Variants in HNF4G observed in about 807,000 individuals in gnomAD.
HNF4G encodes hepatocyte nuclear factor 4 gamma, also known as hepatocyte nuclear factor 4-gamma.
Under a neutral mutation model 50.9 loss-of-function variants are expected in HNF4G, and 21 were observed. The ratio of observed to expected loss-of-function variants is 0.41; its 90% CI spans 0.29 to 0.59. The LOEUF is 0.59. Ranked by LOEUF, HNF4G falls within the 20% of genes least tolerant of loss-of-function variation. The probability of loss-of-function intolerance (pLI) is 0.26; values close to 1 mark genes in which losing one functional copy is unlikely to be tolerated. For synonymous variants in HNF4G, 198 were observed against 185.6 expected (o/e 1.07, Z -0.54); for missense variants, 527 against 559.4 (o/e 0.94, Z 0.58).
intron 2 of HNF4G, among the ~76,000 whole-genome samples, chr8:75,515,404 A>G (rs972270510): frequency 3.3e-5 from 5 of 152,206 alleles, no homozygotes; most frequent in African/African-American, 1.2e-4. Flanking sequence ...ACACACACAC[A>G]GAGACACACA....
At chr8:75,417,213 T>C (rs750503989) in intron 1 of HNF4G, among the ~76,000 whole-genome samples, 43 of 152,176 alleles carry the variant, frequency 2.8e-4, no homozygotes, top group Admixed American at 5.2e-4. Flanking sequence ...CAGGCTGAAG[T>C]GCAGTGGTAT....
intron 1 of HNF4G, among the ~76,000 whole-genome samples, chr8:75,454,986 G>T (rs1811684822): frequency 6.6e-6 from 1 of 152,026 alleles, no homozygotes; most frequent in Admixed American, 6.6e-5. Context: ...CATTTTGGAA[G>T]GAATGCTTGC....
chr8:75,566,027 C>T lies in HNF4G; in HGVS notation c.*1931C>T, dbSNP rs576146790. 1 of 151,560 alleles carries T rather than the reference C, an allele frequency of 6.6e-6. No individual in the cohort carries two copies. 9.4% of individuals were successfully genotyped at this position (151,560 alleles called of 1,614,324 possible). A position where few individuals can be genotyped will look rare whatever the true frequency, so the allele number is the denominator to read the frequency against. ...TTTTTGTTTACTTTTGGGGGGGTTC[C>T]CTTAGAAGACATTAAAAAAAAATAC... On this transcript the variant is annotated 3_prime_UTR_variant, in exon 10 of 10. Transcript: ENST00000396423.
At chr8:75,526,155 G>T (rs1160394984) in intron 2 of HNF4G, among the ~76,000 whole-genome samples, 3 of 149,046 alleles carry the variant, frequency 2.0e-5, no homozygotes, top group Non-Finnish European at 4.5e-5. Flanking sequence ...TAGAGATAGG[G>T]CCTCACTCTG....
At chr8:75,560,237 T>C in intron 8 of HNF4G, 107 bp from the exon 9 acceptor site, 1 of 1,178,580 alleles carries the variant, frequency 8.5e-7, no homozygotes, top group Non-Finnish European at 1.2e-6. Context: ...AAAAAGCACT[T>C]GGCAAAAATA....
At chr8:75,536,589 G>T (rs978197062), upstream of HNF4G, among the ~76,000 whole-genome samples, 1 of 151,942 alleles carries the variant, frequency 6.6e-6, no homozygotes, top group Non-Finnish European at 1.5e-5. Flanking sequence ...GAATTTTAAT[G>T]TGAATATATA....
chr8:75,438,028 T>TTGTCA (rs1811182895), intron 1 of HNF4G, among the ~76,000 whole-genome samples: 2 of 151,902 alleles, frequency 1.3e-5, no homozygotes, highest in Non-Finnish European at 2.9e-5. Flanking sequence ...ATTAATAGAG[T>TTGTCA]TTTTAATGTG....
chr8:75,524,634 A>G (rs2130752733), intron 2 of HNF4G, among the ~76,000 whole-genome samples: 1 of 152,318 alleles, frequency 6.6e-6, no homozygotes, highest in South Asian at 2.1e-4. Context: ...GAGGGAAAAG[A>G]TGGAGTAAGT....
At position 75,565,705 on chromosome 8, in the gene HNF4G, T is replaced by C. The variant is rs1299862802; in HGVS notation, c.*1609T>C. 1 of 152,184 alleles carries C rather than the reference T, an allele frequency of 6.6e-6. No individual in the cohort carries two copies. The highest frequency in any genetic ancestry group is 2.1e-4 in the South Asian group (1 of 4,834). 9.4% of individuals were successfully genotyped at this position (152,184 alleles called of 1,614,324 possible). A position where few individuals can be genotyped will look rare whatever the true frequency, so the allele number is the denominator to read the frequency against. On this transcript the variant is annotated 3_prime_UTR_variant, in exon 10 of 10. Coordinates refer to ENST00000396423, the MANE Select transcript of HNF4G (RefSeq NM_004133.5). ...CAAACTGTAAAAGATTGAAATAATC[T>C]TTCTCAGGATTTTTTAAATGTCTAA... is the stretch of plus-strand genomic sequence containing the variant.
chr8:75,417,127 A>G (rs371232383), intron 1 of HNF4G, among the ~76,000 whole-genome samples: 10,328 of 138,644 alleles, frequency 0.074, 350 homozygotes, highest in African/African-American at 0.12. Context: ...GTGCGCACAC[A>G]CACACACACA....
upstream of HNF4G, among the ~76,000 whole-genome samples, chr8:75,538,652 A>G (rs1466344496): frequency 3.3e-5 from 5 of 152,228 alleles, no homozygotes; most frequent in Non-Finnish European, 7.3e-5. Flanking sequence ...TCTAGTCTTC[A>G]TTAAAGAAAG....
chr8:75,431,861 G>C (rs1811024106), intron 1 of HNF4G, among the ~76,000 whole-genome samples: 1 of 151,840 alleles, frequency 6.6e-6, no homozygotes. Context: ...GGGAGGCAGA[G>C]TTTGCAGTGA....
chr8:75,531,652 G>A (rs2130767213), intron 2 of HNF4G, among the ~76,000 whole-genome samples: 1 of 151,214 alleles, frequency 6.6e-6, no homozygotes, highest in Admixed American at 6.6e-5. Flanking sequence ...ACAGACTGAA[G>A]ATATTTTCAA....
intron 5 of HNF4G, among the ~76,000 whole-genome samples, chr8:75,555,024 G>A (rs541182606): frequency 5.9e-4 from 90 of 152,278 alleles, no homozygotes; most frequent in African/African-American, 2.2e-3. Context: ...AGACATGAGG[G>A]CTGGGAGGCA....
intron 1 of HNF4G, among the ~76,000 whole-genome samples, chr8:75,422,093 T>G (rs927681139): frequency 1.3e-5 from 2 of 152,000 alleles, no homozygotes; most frequent in Non-Finnish European, 2.9e-5. Flanking sequence ...CTGAGATCAG[T>G]GGGCAATACA....
intron 1 of HNF4G, among the ~76,000 whole-genome samples, chr8:75,449,509 CTTT>C (rs71271864): frequency 7.7e-6 from 1 of 129,332 alleles, no homozygotes; most frequent in Non-Finnish European, 1.6e-5. Context: ...ATATTTTTTT[CTTT>C]TTTTTTTTTT....
chr8:75,552,906 T>G (rs546031752), intron 4 of HNF4G, 136 bp from the exon 5 acceptor site: 2 of 548,164 alleles, frequency 3.6e-6, no homozygotes, highest in Admixed American at 3.4e-5. Context: ...TTTAAAATGT[T>G]TAGTATTTGT....
Position 75,559,055 on chromosome 8 carries a change from T to G in HNF4G, c.1123+18T>G. ...ATTAGGTGGTGAGTACATTGAATAATTTCTACTTTATTGATTAGAATCACA... is the reference window on the plus strand; with the variant it reads ...ATTAGGTGGTGAGTACATTGAATAAGTTCTACTTTATTGATTAGAATCACA... On this transcript the variant is annotated intron_variant, in intron 8 of 9. Transcript: ENST00000396423. 7.3e-7 allele frequency: 1 copy of G among 1,369,912 alleles called. No individual in the cohort carries two copies. Among genetic ancestry groups the G allele is most frequent in the Non-Finnish European group, 1.0e-6 (1 of 957,304 alleles). 84.9% of individuals were successfully genotyped at this position (1,369,912 alleles called of 1,614,324 possible). A position where few individuals can be genotyped will look rare whatever the true frequency, so the allele number is the denominator to read the frequency against.
At chr8:75,474,821 C>A (rs545992732) in intron 1 of HNF4G, among the ~76,000 whole-genome samples, 1 of 151,840 alleles carries the variant, frequency 6.6e-6, no homozygotes, top group Non-Finnish European at 1.5e-5. Context: ...CCTTAGCCTC[C>A]GGAGTAGCTG....
Sources: allele counts gnomAD v4.1 joint callset (sites outside exome capture counted in the v4.1 genomes callset), GRCh38; gene constraint gnomAD v4.1.1; transcripts MANE v1.5; gene names NCBI Gene and HGNC (gene_info 2026-07-23, HGNC 2026-07-21).